Variants in HYCC2 observed in about 807,000 individuals in gnomAD.
The protein encoded by HYCC2 is hyccin 2.
the HYCC2 span, among the ~76,000 whole-genome samples, chr2:201,042,308 A>G: frequency 6.6e-6 from 1 of 151,896 alleles, no homozygotes; most frequent in Non-Finnish European, 1.5e-5. Flanking sequence ...GATCGCTACA[A>G]CCTACACCTC....
chr2:201,066,057 A>C, the HYCC2 span, among the ~76,000 whole-genome samples: 1 of 151,970 alleles, frequency 6.6e-6, no homozygotes, highest in South Asian at 2.1e-4. Flanking sequence ...GATTTTATAA[A>C]AGCCCTTCAT....
chr2:201,009,150 G>A, the HYCC2 span: 1 of 966,608 alleles, frequency 1.0e-6, no homozygotes, highest in Admixed American at 2.0e-5. Flanking sequence ...TCTGTATCAT[G>A]TAATAATATT....
At chr2:201,059,144 A>C in the HYCC2 span, among the ~76,000 whole-genome samples, 2 of 152,312 alleles carry the variant, frequency 1.3e-5, no homozygotes, top group African/African-American at 4.8e-5. Context: ...GGAACTATAC[A>C]GTCAGGTCTC....
the HYCC2 span, among the ~76,000 whole-genome samples, chr2:200,988,629 ATTG>A: frequency 6.6e-6 from 1 of 152,228 alleles, no homozygotes; most frequent in African/African-American, 2.4e-5. Flanking sequence ...ATGCCTTAAA[ATTG>A]TTGACTTTCA....
chr2:200,989,302 T>C, the HYCC2 span, among the ~76,000 whole-genome samples: 1,723 of 152,278 alleles, frequency 0.011, 16 homozygotes, highest in Non-Finnish European at 0.017. Context: ...TACAAGATTG[T>C]TGAAAGGATA....
the HYCC2 span, chr2:201,009,156 A>T: frequency 1.1e-6 from 1 of 928,886 alleles, no homozygotes; most frequent in Non-Finnish European, 1.7e-6. Flanking sequence ...TCATGTAATA[A>T]TATTTAATTT....
chr2:200,974,483 TTCAG>T, the HYCC2 span: 1 of 151,942 alleles, frequency 6.6e-6, no homozygotes, highest in Admixed American at 6.6e-5. Context: ...ATAAAAAAGA[TTCAG>T]TGTCAAGTAG....
the HYCC2 span, chr2:201,067,243 GA>G: frequency 4.5e-3 from 699 of 154,772 alleles, no homozygotes; most frequent in South Asian, 0.014. Context: ...CTTCTCACCA[GA>G]AAAAAAAAAA....
At chr2:201,034,139 G>C in the HYCC2 span, among the ~76,000 whole-genome samples, 1 of 151,440 alleles carries the variant, frequency 6.6e-6, no homozygotes, top group African/African-American at 2.4e-5. Flanking sequence ...GAGAAATATA[G>C]TGGTATTAAT....
chr2:201,063,923 G>C, the HYCC2 span: 1 of 1,597,112 alleles, frequency 6.3e-7, no homozygotes, highest in Non-Finnish European at 8.5e-7. Context: ...CGTGAAGGGA[G>C]GAAATTTTGG....
the HYCC2 span, among the ~76,000 whole-genome samples, chr2:201,050,276 A>T: frequency 2.6e-4 from 39 of 152,038 alleles, no homozygotes; most frequent in African/African-American, 9.4e-4. Context: ...AAACGGACAC[A>T]TTTCTTAAAA....
At chr2:201,064,152 G>A in the HYCC2 span, 4 of 887,832 alleles carry the variant, frequency 4.5e-6, no homozygotes, top group African/African-American at 4.9e-5. Flanking sequence ...GTGGTGGCAG[G>A]GCCTAGCTGC....
chr2:201,019,114 T>A, the HYCC2 span, among the ~76,000 whole-genome samples: 1 of 152,208 alleles, frequency 6.6e-6, no homozygotes, highest in Non-Finnish European at 1.5e-5. Context: ...TATTCAGTTC[T>A]TTAGAAGTAA....
At chr2:201,063,562 C>T in the HYCC2 span, 21 of 1,585,982 alleles carry the variant, frequency 1.3e-5, no homozygotes, top group East Asian at 2.2e-5. Context: ...ACCATGACTC[C>T]GTGGATAAGA....
chr2:200,994,259 C>T, the HYCC2 span, among the ~76,000 whole-genome samples: 1 of 151,172 alleles, frequency 6.6e-6, no homozygotes, highest in Admixed American at 6.6e-5. Context: ...TTTTTGGAGA[C>T]GGAGTCTCGC....
At chr2:201,070,187 T>C in the HYCC2 span, among the ~76,000 whole-genome samples, 1 of 152,176 alleles carries the variant, frequency 6.6e-6, no homozygotes, top group Non-Finnish European at 1.5e-5. Flanking sequence ...AATTCTACAT[T>C]TTATTGTGGA....
chr2:200,974,941 C>G, the HYCC2 span: 1 of 151,766 alleles, frequency 6.6e-6, no homozygotes, highest in Non-Finnish European at 1.5e-5. Flanking sequence ...TTGCCACTGC[C>G]CTTTAAAATA....
At chr2:200,978,846 T>G in the HYCC2 span, 2 of 152,168 alleles carry the variant, frequency 1.3e-5, no homozygotes, top group African/African-American at 4.8e-5. Context: ...AATTTTGTTG[T>G]ATTAATTCTA....
chr2:201,055,346 C>G, the HYCC2 span, among the ~76,000 whole-genome samples: 1 of 147,712 alleles, frequency 6.8e-6, no homozygotes, highest in Admixed American at 6.8e-5. Flanking sequence ...CGCACCATTG[C>G]ACTACAGCCT....
Sources: gnomAD v4.1 joint callset for allele counts (sites outside exome capture counted in the v4.1 genomes callset) on GRCh38, gnomAD v4.1.1 for gene constraint, MANE v1.5 for transcripts, NCBI Gene and HGNC (gene_info 2026-07-23, HGNC 2026-07-21) for gene names.